The following KIAA2012 variants were observed in gnomAD, a reference collection of about 807,000 sequenced individuals.
The protein encoded by KIAA2012 is KIAA2012.
Under a neutral mutation model 150.6 loss-of-function variants are expected in KIAA2012, and 125 were observed. That is an observed-to-expected ratio of 0.83 (90% CI 0.72 to 0.96). The LOEUF (loss-of-function observed/expected upper bound fraction) is 0.96, where lower values mean the gene tolerates loss of function less well. Among genes scored for constraint, KIAA2012 ranks in the 40% least tolerant of loss-of-function variants. The probability of loss-of-function intolerance (pLI) is 0.00; values close to 1 mark genes in which losing one functional copy is unlikely to be tolerated. For synonymous variants in KIAA2012, 462 were observed against 504.7 expected, an observed-to-expected ratio of 0.92 and a Z score of 1.13; for missense variants, 1,219 against 1,354.9, an observed-to-expected ratio of 0.90 and a Z score of 1.57.
intron 14 of KIAA2012, among the ~76,000 whole-genome samples, chr2:202,160,283 C>CACAAGAT (rs941831021): frequency 1.3e-5 from 2 of 150,476 alleles, no homozygotes; most frequent in African/African-American, 4.9e-5. Flanking sequence ...ATCTTAATAA[C>CACAAGAT]ACAAGATACT....
In KIAA2012 at chr2:202,092,893, C is replaced by A. The variant is rs922500518; in HGVS notation, c.530-137C>A. The A allele has an allele frequency of 1.1e-5, 8 of 698,256 alleles. No homozygotes were observed. The African/African-American group carries it at 1.4e-4, about 13-fold the overall frequency. 43.3% of individuals were successfully genotyped at this position (698,256 alleles called of 1,614,324 possible). ...GGTTCTATCTGACTTTTTAATCTCC[C>A]TCATCTTCTAATTGTCTTCCCTAAT... is the stretch of plus-strand genomic sequence containing the variant. On this transcript the variant is annotated intron_variant, in intron 3 of 23. Coordinates refer to ENST00000498697, the MANE Select transcript of KIAA2012 (RefSeq NM_001277372.4).
chr2:202,088,438 C>T (rs1170307928), intron 2 of KIAA2012, among the ~76,000 whole-genome samples: 3 of 152,186 alleles, frequency 2.0e-5, no homozygotes, highest in Admixed American at 2.0e-4. Flanking sequence ...TAAAATTATT[C>T]AGAGAAGAAA....
intron 13 of KIAA2012, among the ~76,000 whole-genome samples, chr2:202,152,649 A>T (rs1471207341): frequency 6.6e-6 from 1 of 152,176 alleles, no homozygotes; most frequent in African/African-American, 2.4e-5. Flanking sequence ...TTATCGAGAA[A>T]TGGAGAGGGA....
chr2:202,170,879 T>C (rs1691872908), intron 15 of KIAA2012, among the ~76,000 whole-genome samples: 1 of 152,216 alleles, frequency 6.6e-6, no homozygotes, highest in African/African-American at 2.4e-5. Flanking sequence ...TTAACTTTTA[T>C]ACTAATCCTG....
chr2:202,183,930 G>A (rs76718845), intron 15 of KIAA2012, among the ~76,000 whole-genome samples: 37 of 152,150 alleles, frequency 2.4e-4, no homozygotes, highest in African/African-American at 8.9e-4. Context: ...AGATTTTATA[G>A]AGTTCTAACA....
In KIAA2012 at chr2:202,104,122, G is replaced by C. The variant is rs1394261565; in HGVS notation, c.1324+1008G>C. On this transcript the variant is annotated intron_variant, in intron 8 of 23. Coordinates refer to ENST00000498697, the MANE Select transcript of KIAA2012 (RefSeq NM_001277372.4). The surrounding 1 kb of genome is among the most constrained non-coding windows in gnomAD (Gnocchi z 4.3). ...TGGAGCTTAAAAGACCAATGGAAGG[G>C]GACATGAAGGAACTTTCTGGGGTGA... 6.6e-6 allele frequency among the ~76,000 whole-genome samples: 1 copy of C among 152,106 alleles called. No individual in the cohort carries two copies. Among genetic ancestry groups the C allele is most frequent in the Non-Finnish European group, 1.5e-5 (1 of 68,032 alleles).
chr2:202,195,605 T>C (rs1270540856), intron 21 of KIAA2012, among the ~76,000 whole-genome samples: 1 of 152,170 alleles, frequency 6.6e-6, no homozygotes, highest in African/African-American at 2.4e-5. Context: ...TACAGTGCTA[T>C]AGAACACTAG....
chr2:202,132,541 C>T (rs1690956105), intron 12 of KIAA2012, among the ~76,000 whole-genome samples: 3 of 151,396 alleles, frequency 2.0e-5, no homozygotes, highest in African/African-American at 4.9e-5. Flanking sequence ...GTGGCACACA[C>T]CTGTAATCCC....
At chr2:202,184,918 G>T (rs1038245935) in intron 16 of KIAA2012, 75 bp downstream of exon 16, 6 of 1,285,266 alleles carry the variant, frequency 4.7e-6, no homozygotes, top group Middle Eastern at 1.9e-4. Flanking sequence ...GTTTAGTTTG[G>T]TTTTTTTTCA....
Position 202,141,944 on chromosome 2 carries a change from G to GA in KIAA2012, c.1908+3444dup, listed in dbSNP as rs58540527. 2.0e-5 allele frequency among the ~76,000 whole-genome samples: 3 copies of GA among 151,330 alleles called. 1 individual carries two copies. The highest frequency in any genetic ancestry group is 4.8e-5 in the African/African-American group (2 of 41,262). On this transcript the variant is annotated intron_variant, in intron 13 of 23. Transcript: ENST00000498697. The stretch of plus-strand genomic sequence containing the variant: ...ACAGTGGTGGGAGGAAGTAAAACTA[G>GA]AAAAAAAAGTAAAATAGTTTCATTA...
chr2:202,154,625 C>G, intron 13 of KIAA2012, 48 bp from the exon 14 acceptor site: 2 of 1,483,744 alleles, frequency 1.3e-6, no homozygotes, highest in Non-Finnish European at 1.8e-6. Context: ...TCTTGTTGCA[C>G]TGTATATCAT....
intron 22 of KIAA2012, among the ~76,000 whole-genome samples, chr2:202,199,798 G>A (rs944407608): frequency 2.6e-5 from 4 of 152,130 alleles, no homozygotes; most frequent in African/African-American, 9.7e-5. Context: ...GACCAAATGA[G>A]TGGCTGCATC....
chr2:202,142,537 C>T (rs1691214866), intron 13 of KIAA2012, among the ~76,000 whole-genome samples: 1 of 152,174 alleles, frequency 6.6e-6, no homozygotes, highest in Admixed American at 6.5e-5. Flanking sequence ...GACTCCTAAA[C>T]CATAATTTCT....
At chr2:202,155,730 G>A (rs981899999) in intron 14 of KIAA2012, among the ~76,000 whole-genome samples, 3 of 152,214 alleles carry the variant, frequency 2.0e-5, no homozygotes, top group South Asian at 2.1e-4. Context: ...GCCTTTGGAG[G>A]TCATGAGGGT....
chr2:202,179,091 A>G (rs541283896), intron 15 of KIAA2012, among the ~76,000 whole-genome samples: 38 of 152,366 alleles, frequency 2.5e-4, no homozygotes, highest in African/African-American at 8.7e-4. Context: ...ATTGAATATT[A>G]GAGTCTTCCT....
chr2:202,140,222 C>T (rs962373682), intron 13 of KIAA2012, among the ~76,000 whole-genome samples: 2 of 151,694 alleles, frequency 1.3e-5, no homozygotes, highest in African/African-American at 2.4e-5. Context: ...AGCAAGACTC[C>T]GTCTCAAAAA....
chr2:202,138,374 G>A, intron 12 of KIAA2012, 58 bp from the exon 13 acceptor site: 5 of 1,267,736 alleles, frequency 3.9e-6, no homozygotes, highest in Non-Finnish European at 5.6e-6. Flanking sequence ...TATATAAAAA[G>A]TCATGAGATC....
chr2:202,199,356 T>C (rs577448318), intron 22 of KIAA2012, among the ~76,000 whole-genome samples: 62 of 152,262 alleles, frequency 4.1e-4, no homozygotes, highest in African/African-American at 1.4e-3. Context: ...TACTGCAACC[T>C]CCACCTCCCA....
At chr2:202,167,483 T>C (rs1691793772) in intron 15 of KIAA2012, among the ~76,000 whole-genome samples, 1 of 152,216 alleles carries the variant, frequency 6.6e-6, no homozygotes, top group African/African-American at 2.4e-5. Flanking sequence ...TTCCAGTATG[T>C]ATTTCCCTGA....
Sources: allele counts gnomAD v4.1 joint callset (sites outside exome capture counted in the v4.1 genomes callset), GRCh38; gene constraint gnomAD v4.1.1; non-coding constraint Gnocchi (gnomAD v3.1); transcripts MANE v1.5; gene names NCBI Gene and HGNC (gene_info 2026-07-23, HGNC 2026-07-21).